The following KDM2B variants were observed in gnomAD, a reference collection of about 807,000 sequenced individuals.
KDM2B encodes lysine demethylase 2B.
Under a neutral mutation model 150.0 loss-of-function variants are expected in KDM2B, and 26 were observed. The ratio of observed to expected loss-of-function variants is 0.17; its 90% CI spans 0.13 to 0.24. KDM2B has a LOEUF of 0.24. KDM2B is among the 10% of genes least tolerant of loss of function. The probability of loss-of-function intolerance (pLI) is 1.00; values close to 1 mark genes in which losing one functional copy is unlikely to be tolerated. For synonymous variants in KDM2B, 734 were observed against 729.5 expected, an observed-to-expected ratio of 1.01 and a Z score of -0.10; for missense variants, 1,265 against 1,816.9, an observed-to-expected ratio of 0.70 and a Z score of 5.52.
chr12:121,427,729 C>T (rs1872578556), downstream of KDM2B, among the ~76,000 whole-genome samples: 1 of 152,066 alleles, frequency 6.6e-6, no homozygotes, highest in African/African-American at 2.4e-5. Flanking sequence ...ATCCCCAGCC[C>T]TGGCAGCCCC....
intron 4 of KDM2B, among the ~76,000 whole-genome samples, chr12:121,562,881 C>T (rs925355655): frequency 8.5e-5 from 13 of 152,076 alleles, no homozygotes; most frequent in African/African-American, 3.1e-4. Context: ...ATCCCTATGG[C>T]ACATATGCGA....
intron 12 of KDM2B, among the ~76,000 whole-genome samples, chr12:121,477,966 C>T (rs542857044): frequency 6.6e-6 from 1 of 151,956 alleles, no homozygotes; most frequent in East Asian, 1.9e-4. Context: ...TGGTCTTGAA[C>T]TCCTGAGCTC....
intron 11 of KDM2B, among the ~76,000 whole-genome samples, chr12:121,497,636 A>G (rs1884116861): frequency 6.6e-6 from 1 of 152,012 alleles, no homozygotes; most frequent in Non-Finnish European, 1.5e-5. Flanking sequence ...AGCCACAAAT[A>G]CTAAAAGAGG....
intron 12 of KDM2B, among the ~76,000 whole-genome samples, chr12:121,479,144 G>C (rs1009256363): frequency 2.6e-5 from 4 of 151,702 alleles, no homozygotes; most frequent in Non-Finnish European, 4.4e-5. Flanking sequence ...GGAATGTCGG[G>C]TCTTTTTTTA....
At chr12:121,551,911 CAAA>C (rs1889534601) in intron 4 of KDM2B, among the ~76,000 whole-genome samples, 1 of 151,816 alleles carries the variant, frequency 6.6e-6, no homozygotes, top group Admixed American at 6.6e-5. Context: ...AAAAAGGAAA[CAAA>C]AAAAGAAAGT....
At chr12:121,581,062 C>G, upstream of KDM2B, 1 of 1,033,676 alleles carries the variant, frequency 9.7e-7, no homozygotes, top group Non-Finnish European at 1.3e-6. Context: ...CAGTCCGCAG[C>G]TGACCGGAAG....
At chr12:121,543,932 G>A (rs556796688) in intron 6 of KDM2B, among the ~76,000 whole-genome samples, 9 of 152,088 alleles carry the variant, frequency 5.9e-5, no homozygotes, top group East Asian at 1.9e-4. Context: ...GACCAGCCTG[G>A]GCCAACATGG....
rs1555305460 is a variant in KDM2B, at chr12:121,518,880, C to G, written c.1047+2105G>C. Among the ~76,000 whole-genome samples, 1 of 152,196 alleles carries G rather than the reference C, an allele frequency of 6.6e-6. No individual in the cohort carries two copies. The highest frequency in any genetic ancestry group is 2.4e-5 in the African/African-American group (1 of 41,432). ...GGCCAAAGAACAGTTGGCCGGAGCC[C>G]CAGACAGCATTGACCCAGACTGTGA... On this transcript the variant is annotated intron_variant, in intron 9 of 22. Transcript: ENST00000377071. This position sits in a 1 kb window ranked among gnomAD's most constrained non-coding sequence, Gnocchi z 4.4.
intron 13 of KDM2B, among the ~76,000 whole-genome samples, chr12:121,451,149 C>T (rs1877206102): frequency 6.6e-6 from 1 of 152,060 alleles, no homozygotes; most frequent in South Asian, 2.1e-4. Context: ...CCTCTGCCAC[C>T]TCTGAGACAG....
At chr12:121,532,412 G>A (rs1025886993) in intron 8 of KDM2B, among the ~76,000 whole-genome samples, 5 of 152,168 alleles carry the variant, frequency 3.3e-5, no homozygotes, top group Admixed American at 2.6e-4. Flanking sequence ...ATAGAGGCAC[G>A]AAGAAGTGAA....
intron 6 of KDM2B, among the ~76,000 whole-genome samples, chr12:121,538,026 GC>G (rs1440667173): frequency 6.6e-6 from 1 of 150,814 alleles, no homozygotes; most frequent in Non-Finnish European, 1.5e-5. Context: ...CGCGAGCCGA[GC>G]CCCCTCCACG....
chr12:121,430,533 G>T lies in KDM2B; in HGVS notation c.3830-64C>A. ...GGAGCCAGAAGCCCCCCCGCCGCCA[G>T]ACCCAGGCACTCAGCAGTGGGGACA... On this transcript the variant is annotated intron_variant, in intron 22 of 22. Coordinates refer to ENST00000377071, the MANE Select transcript of KDM2B (RefSeq NM_032590.5). This position sits in a 1 kb window ranked among gnomAD's most constrained non-coding sequence, Gnocchi z 4.4. 1 of 1,202,366 alleles carries T rather than the reference G, an allele frequency of 8.3e-7. No individual in the cohort carries two copies. Among genetic ancestry groups the T allele is most frequent in the Non-Finnish European group, 1.2e-6 (1 of 808,280 alleles). The allele number at this position is 1,202,366 out of a possible 1,614,324, so 74.5% of individuals were successfully genotyped here.
chr12:121,465,942 A>T (rs1879841709), intron 12 of KDM2B, among the ~76,000 whole-genome samples: 1 of 152,210 alleles, frequency 6.6e-6, no homozygotes, highest in African/African-American at 2.4e-5. Flanking sequence ...AAGCACTTGA[A>T]TCGTCCCTGG....
rs782054563 is a variant in KDM2B, at chr12:121,439,987, G to T, written c.3699C>A (p.Ile1233=). 5.6e-6 allele frequency: 9 copies of T among 1,614,132 alleles called. No individual in the cohort carries two copies. Among genetic ancestry groups the T allele is most frequent in the Non-Finnish European group, 7.6e-6 (9 of 1,180,004 alleles). Residue 1233 remains isoleucine, a synonymous_variant, in exon 22 of 23, where the codon ATC becomes ATA. Transcript: ENST00000377071. ...LDITDASLRL[I]IRHMPLLSKL... ...TGGAGAGCAGGGGCATGTGGCGGAT[G>T]ATGAGCCGCAGGGAGGCATCTGTGA...
At chr12:121,469,109 T>C (rs1170408823) in intron 12 of KDM2B, 3 of 151,080 alleles carry the variant, frequency 2.0e-5, no homozygotes, top group Non-Finnish European at 4.4e-5. Context: ...TTGGCCAGGC[T>C]GGTCTGGAGC....
intron 8 of KDM2B, among the ~76,000 whole-genome samples, chr12:121,525,296 T>C (rs1555306633): frequency 6.6e-6 from 1 of 152,146 alleles, no homozygotes; most frequent in African/African-American, 2.4e-5. Flanking sequence ...AGACAGAGCC[T>C]TACTGTGTCA....
chr12:121,529,201 C>A lies in KDM2B; in HGVS notation c.931+3605G>T, dbSNP rs1262958491. 3.9e-5 allele frequency among the ~76,000 whole-genome samples: 6 copies of A among 152,130 alleles called. No individual in the cohort carries two copies. In the East Asian group the frequency reaches 1.2e-3, roughly 29 times the overall value. ...TACACATGTCGATAAATGTGATACA[C>A]CACGTAAACAGAATTAAAAATTAAA... On this transcript the variant is annotated intron_variant, in intron 8 of 22. Transcript: ENST00000377071.
In KDM2B at chr12:121,575,658, A is replaced by G. The variant is rs1379867764; in HGVS notation, c.350+123T>C. 9 of 743,826 alleles carry G rather than the reference A, an allele frequency of 1.2e-5. No homozygotes were observed. The highest frequency in any genetic ancestry group is 1.0e-4 in the Admixed American group (5 of 50,180). The allele number at this position is 743,826 out of a possible 1,614,324, so 46.1% of individuals were successfully genotyped here. A position where few individuals can be genotyped will look rare whatever the true frequency, so the allele number is the denominator to read the frequency against. On this transcript the variant is annotated intron_variant, in intron 3 of 22. Transcript: ENST00000377071. The surrounding 1 kb of genome is among the most constrained non-coding windows in gnomAD (Gnocchi z 4.4). ...TTGAACAAGGAGATGCTGTTCCCAG[A>G]TCGTGAAAAAAGATCCTTCTCAGTG...
At chr12:121,528,714 GA>G (rs1271170833) in intron 8 of KDM2B, among the ~76,000 whole-genome samples, 12 of 152,192 alleles carry the variant, frequency 7.9e-5, no homozygotes, top group African/African-American at 2.9e-4. Context: ...GCAACATGGT[GA>G]AACCCCATCT....
Sources: allele counts gnomAD v4.1 joint callset (sites outside exome capture counted in the v4.1 genomes callset), GRCh38; gene constraint gnomAD v4.1.1; non-coding constraint Gnocchi (gnomAD v3.1); transcripts MANE v1.5; gene names NCBI Gene and HGNC (gene_info 2026-07-23, HGNC 2026-07-21).